H2BC5: variants seen among roughly 807,000 people sequenced by gnomAD.
The protein encoded by H2BC5 is H2B clustered histone 5.
Under a neutral mutation model 5.7 loss-of-function variants are expected in H2BC5, and 9 were observed. That is an observed-to-expected ratio of 1.57 (90% CI 0.95 to 2.74). The LOEUF is 2.74. H2BC5 is among the 30% of genes most tolerant of loss of function. The pLI is 0.00. For missense variants in H2BC5, 175 were observed against 168.8 expected (o/e 1.04, Z -0.20); for synonymous variants, 133 against 70.9 (o/e 1.88, Z -4.40).
chr6:26,164,037 T>A, intron 1 of H2BC5: 1 of 447,744 alleles, frequency 2.2e-6, no homozygotes, highest in Admixed American at 2.4e-5. Context: ...AAAGAACTTA[T>A]TGAAATATTC....
chr6:26,158,430 C>G lies in H2BC5; in HGVS notation c.261C>G (p.Arg87=), dbSNP rs758923227. 16 of 1,614,158 alleles carry G rather than the reference C, an allele frequency of 9.9e-6. No homozygotes were observed. The highest frequency in any genetic ancestry group is 2.7e-5 in the African/African-American group (2 of 74,958). ...CCCGCCTGGCGCATTACAACAAGCG[C>G]TCGACCATCACCTCCAGGGAGATCC... The part of the protein sequence containing the change: ...EASRLAHYNK[R]STITSREIQT... Residue 87 remains arginine (R), a synonymous_variant, in exon 1 of 1, where the codon CGC becomes CGG. Transcript: ENST00000377777.
At chr6:26,161,725 T>G (rs1764354262), downstream of H2BC5, among the ~76,000 whole-genome samples, 1 of 152,148 alleles carries the variant, frequency 6.6e-6, no homozygotes. Flanking sequence ...AGAGCCATGA[T>G]CACACCACTG....
chr6:26,162,127 C>G (rs569373544), downstream of H2BC5, among the ~76,000 whole-genome samples: 5 of 152,300 alleles, frequency 3.3e-5, no homozygotes, highest in South Asian at 8.3e-4. Flanking sequence ...ATTGTGACTT[C>G]TGTTACATAT....
At chr6:26,170,640 T>G (rs1214454263) in intron 1 of H2BC5, among the ~76,000 whole-genome samples, 1 of 152,248 alleles carries the variant, frequency 6.6e-6, no homozygotes, top group Non-Finnish European at 1.5e-5. Context: ...TATTATATTT[T>G]CCTTTTCACT....
chr6:26,159,897 C>G (rs1391477530), downstream of H2BC5, among the ~76,000 whole-genome samples: 1 of 152,156 alleles, frequency 6.6e-6, no homozygotes, highest in Non-Finnish European at 1.5e-5. Flanking sequence ...GAGCCAGGGA[C>G]TTGGCCCATG....
In H2BC5 at chr6:26,158,565, C is replaced by T. The variant is rs1764281265; in HGVS notation, c.*15C>T. 1.9e-6 allele frequency: 3 copies of T among 1,613,704 alleles called. No homozygotes were observed. Among genetic ancestry groups the T allele is most frequent in the African/African-American group, 1.3e-5 (1 of 75,028 alleles). On this transcript the variant is annotated 3_prime_UTR_variant, in exon 1 of 1. Coordinates refer to ENST00000377777, the MANE Select transcript of H2BC5 (RefSeq NM_021063.4). Reference sequence around the variant, plus strand: ...GTTCCAAGTAACTTTGCCAAGTAAGCATCTTTACACCTAATCCCAAAGGCT... The same window carrying T: ...GTTCCAAGTAACTTTGCCAAGTAAGTATCTTTACACCTAATCCCAAAGGCT...
chr6:26,159,375 GC>G (rs1764314995), downstream of H2BC5, among the ~76,000 whole-genome samples: 1 of 147,054 alleles, frequency 6.8e-6, no homozygotes, highest in African/African-American at 2.5e-5. Context: ...CAGGACTGAA[GC>G]CCCCTTTGCA....
rs1764278970 is a variant in H2BC5 at position 26,158,496 on chromosome 6, G to A, written c.327G>A (p.Lys109=). Residue 109 remains lysine, a synonymous_variant, in exon 1 of 1, where the codon AAG becomes AAA. Transcript: ENST00000377777. ...TGCTGCTTCCGGGGGAGCTGGCCAA[G>A]CACGCCGTGTCGGAGGGCACCAAGG... ...VRLLLPGELA[K]HAVSEGTKAV... is the part of the protein sequence containing the mutation. The A allele has an allele frequency of 5.6e-6, 9 of 1,614,254 alleles. No homozygotes were observed. The East Asian group carries it at 2.0e-4, about 36-fold the overall frequency.
rs902774521 is a variant in H2BC5 at position 26,166,664 on chromosome 6, C to T, written c.*10-4311C>T. 5.6e-5 allele frequency among the ~76,000 whole-genome samples: 8 copies of T among 142,944 alleles called. No individual in the cohort carries two copies. In the East Asian group the frequency reaches 1.3e-3, roughly 23 times the overall value. The allele number at this position is 142,944 out of a possible 152,430, so 93.8% of individuals were successfully genotyped here. ...CTTCATCTCAACATAGATTGGTGGT[C>T]GGCACGAGCAGAGGGGGATACTTTT... On this transcript the variant is annotated intron_variant, in intron 1 of 1. Transcript: ENST00000289316.
rs766647294 is a variant in H2BC5, at chr6:26,158,343, G to A, written c.174G>A (p.Lys58=). 1.9e-5 allele frequency: 30 copies of A among 1,614,144 alleles called. 1 individual carries two copies. In the Middle Eastern group the frequency reaches 2.8e-3, roughly 150 times the overall value. The change falls in exon 1 of 1, where the codon AAG becomes AAA. Residue 58 remains lysine, a synonymous_variant. Transcript: ENST00000377777. ...ATCCCGACACCGGCATCTCTTCCAAGGCAATGGGGATCATGAATTCCTTCG... is the reference window on the plus strand; with the variant it reads ...ATCCCGACACCGGCATCTCTTCCAAAGCAATGGGGATCATGAATTCCTTCG... ...QVHPDTGISS[K]AMGIMNSFVN...
downstream of H2BC5, among the ~76,000 whole-genome samples, chr6:26,159,032 G>A (rs1164177322): frequency 6.6e-6 from 1 of 152,086 alleles, no homozygotes; most frequent in African/African-American, 2.4e-5. Context: ...TGCAAGTAAA[G>A]GCTGAAGACA....
chr6:26,161,496 C>T (rs780615236), downstream of H2BC5, among the ~76,000 whole-genome samples: 2 of 152,090 alleles, frequency 1.3e-5, no homozygotes, highest in African/African-American at 2.4e-5. Context: ...TAGGGCTGGG[C>T]AAGGTGACTC....
Position 26,169,837 on chromosome 6 carries a change from T to C in H2BC5, c.*10-1138T>C, listed in dbSNP as rs185797933. Among the ~76,000 whole-genome samples, 3 of 151,500 alleles carry C rather than the reference T, an allele frequency of 2.0e-5. No individual in the cohort carries two copies. The East Asian group carries it at 5.8e-4, about 29-fold the overall frequency. Reference sequence around the variant, plus strand: ...AGCCAGGCATGGTGGCATGCACCTGTAGTCCTTGAGCCAAGAGGGCGTCAC... The same window carrying C: ...AGCCAGGCATGGTGGCATGCACCTGCAGTCCTTGAGCCAAGAGGGCGTCAC... On this transcript the variant is annotated intron_variant, in intron 1 of 1. Coordinates refer to the H2BC5 transcript ENST00000289316.
intron 1 of H2BC5, among the ~76,000 whole-genome samples, chr6:26,167,628 T>C (rs1764451274): frequency 6.6e-6 from 1 of 151,984 alleles, no homozygotes; most frequent in African/African-American, 2.4e-5. Context: ...GGTTGTTTTT[T>C]TCAAAAAAGG....
downstream of H2BC5, among the ~76,000 whole-genome samples, chr6:26,160,514 G>GGA (rs755965276): frequency 1.8e-5 from 1 of 55,166 alleles, no homozygotes; most frequent in African/African-American, 8.1e-5. Flanking sequence ...TCCTGTCTCT[G>GGA]AAAAAAAAAA....
chr6:26,161,934 ATAAT>A (rs568592963), downstream of H2BC5, among the ~76,000 whole-genome samples: 26 of 152,340 alleles, frequency 1.7e-4, no homozygotes, highest in African/African-American at 6.0e-4. Flanking sequence ...TGGATTACTA[ATAAT>A]TAAAAATAAT....
downstream of H2BC5, among the ~76,000 whole-genome samples, chr6:26,161,772 CAAAT>C (rs1416166876): frequency 6.6e-6 from 1 of 151,878 alleles, no homozygotes; most frequent in Non-Finnish European, 1.5e-5. Flanking sequence ...GACCTTGTCT[CAAAT>C]AATAAATAAA....
chr6:26,158,121 G>T (rs771408336), upstream of H2BC5: 2 of 1,572,340 alleles, frequency 1.3e-6, no homozygotes, highest in South Asian at 1.2e-5. Flanking sequence ...CGGCGGGAGT[G>T]ATTATTTTCT....
At chr6:26,168,797 A>G (rs536968165) in intron 1 of H2BC5, among the ~76,000 whole-genome samples, 124 of 152,320 alleles carry the variant, frequency 8.1e-4, no homozygotes, top group African/African-American at 2.9e-3. Flanking sequence ...TACAGTTTAT[A>G]TAAAACATTA....
Sources: allele counts gnomAD v4.1 joint callset (sites outside exome capture counted in the v4.1 genomes callset), GRCh38; gene constraint gnomAD v4.1.1; transcripts MANE v1.5; gene names NCBI Gene and HGNC (gene_info 2026-07-23, HGNC 2026-07-21).